SUGP2: variants seen among roughly 807,000 people sequenced by gnomAD.
The protein encoded by SUGP2 is SURP and G-patch domain-containing protein 2.
SUGP2 carries 24 observed loss-of-function variants against 90.5 expected under a neutral mutation model. The observed-to-expected ratio is 0.27, with a 90% confidence interval of 0.19 to 0.37. SUGP2 has a LOEUF of 0.37. SUGP2 is among the 10% of genes least tolerant of loss of function. SUGP2 has a pLI of 1.00. For missense variants in SUGP2, 1,233 were observed against 1,363.3 expected, an observed-to-expected ratio of 0.90 and a Z score of 1.51; for synonymous variants, 473 against 513.4, an observed-to-expected ratio of 0.92 and a Z score of 1.06.
chr19:19,026,078 G>A lies in SUGP2; in HGVS notation c.270C>T (p.Phe90=). Residue 90 remains phenylalanine (F), a synonymous_variant, in exon 3 of 11, where the codon TTC becomes TTT. Transcript: ENST00000452918. The stretch of plus-strand genomic sequence containing the variant: ...CACTGATGGAAGGGTTGCTTGATCT[G>A]AAGGAAGGCCCTGGAAATACGTCAC... ...LRSDVFPGPS[F]RSSNPSISDD... is the part of the protein sequence containing the mutation. 6.2e-7 allele frequency: 1 copy of A among 1,614,100 alleles called. No homozygotes were observed. The highest frequency in any genetic ancestry group is 8.5e-7 in the Non-Finnish European group (1 of 1,180,030).
At chr19:19,023,306 A>G (rs772809241) in intron 3 of SUGP2, among the ~76,000 whole-genome samples, 9 of 152,138 alleles carry the variant, frequency 5.9e-5, no homozygotes, top group African/African-American at 1.7e-4. Flanking sequence ...ATTCTAGCAC[A>G]GGGGTGACTG....
intron 4 of SUGP2, among the ~76,000 whole-genome samples, chr19:19,013,010 C>G (rs980381397): frequency 2.0e-5 from 3 of 152,066 alleles, no homozygotes; most frequent in Non-Finnish European, 4.4e-5. Flanking sequence ...ATTATAGGCA[C>G]CCGCCACCAC....
intron 8 of SUGP2, 75 bp downstream of exon 8, chr19:19,001,538 T>C: frequency 2.1e-6 from 3 of 1,425,174 alleles, no homozygotes; most frequent in Non-Finnish European, 3.0e-6. Flanking sequence ...AATCACAAGC[T>C]GCAGCATCCT....
At chr19:19,033,596 G>C (rs1049243066), upstream of SUGP2, 1 of 1,185,926 alleles carries the variant, frequency 8.4e-7, no homozygotes, top group Non-Finnish European at 1.0e-6. Flanking sequence ...CGCAGGCGCG[G>C]GCCGCCGCGG....
chr19:19,010,658 C>A (rs1294689768), intron 4 of SUGP2, among the ~76,000 whole-genome samples: 1 of 152,204 alleles, frequency 6.6e-6, no homozygotes, highest in South Asian at 2.1e-4. Context: ...CCCTGGCAGG[C>A]AGAATTGACA....
At chr19:19,033,591 G>A, upstream of SUGP2, 2 of 1,190,686 alleles carry the variant, frequency 1.7e-6, no homozygotes, top group Non-Finnish European at 2.1e-6. Context: ...TGGTGCGCAG[G>A]CGCGGGCCGC....
At chr19:19,033,800 C>A (rs2059295699), upstream of SUGP2, 1 of 249,314 alleles carries the variant, frequency 4.0e-6, no homozygotes, top group Non-Finnish European at 7.7e-6. Context: ...TGAGCGTCCG[C>A]GAGTCTCTGG....
chr19:19,012,567 T>A (rs1430565017), intron 4 of SUGP2, among the ~76,000 whole-genome samples: 1 of 152,212 alleles, frequency 6.6e-6, no homozygotes, highest in Non-Finnish European at 1.5e-5. Flanking sequence ...TTTCTGTGCC[T>A]CAGTTTCTCC....
In SUGP2 at chr19:19,008,302, C is replaced by CG. The variant is rs769232514; in HGVS notation, c.2450+14dup. 225 of 1,595,420 alleles carry CG rather than the reference C, an allele frequency of 1.4e-4. No individual in the cohort carries two copies. In the Admixed American group the frequency reaches 1.5e-3, roughly 10 times the overall value. On this transcript the variant is annotated intron_variant, in intron 6 of 10. Coordinates refer to ENST00000452918, the MANE Select transcript of SUGP2 (RefSeq NM_001017392.5). ...AGAAAGAAAAAGGTGTGATGAGACC[C>CG]GGGGGGGTACGTACCACAGGTCAGG...
chr19:19,030,216 T>G (rs1312406340), intron 2 of SUGP2, among the ~76,000 whole-genome samples: 1 of 151,620 alleles, frequency 6.6e-6, no homozygotes, highest in Admixed American at 6.6e-5. Context: ...TGGGCTGGGC[T>G]CGGTGGCTCA....
At chr19:19,027,373 T>A (rs1045815399) in intron 2 of SUGP2, among the ~76,000 whole-genome samples, 3 of 152,132 alleles carry the variant, frequency 2.0e-5, no homozygotes, top group African/African-American at 4.8e-5. Context: ...GAAGCCAAAG[T>A]CGTATATAAA....
chr19:19,024,891 G>A lies in SUGP2; in HGVS notation c.1457C>T (p.Thr486Ile). The change falls in exon 3 of 11, where the codon ACA becomes ATA. Residue 486 changes from threonine (T) to isoleucine (I), a missense_variant. Physicochemically the swap from Thr to Ile is moderately conservative, Grantham distance 89 (BLOSUM62 -1). Transcript: ENST00000452918. ...CRKSLALLGQ[T>I]FSLASSFRQE... ...CCGGAAAGAAGAGGCCAAGGAAAAT[G>A]TCTGTCCCAAAAGGGCCAAAGACTT... 1 of 1,614,196 alleles carries A rather than the reference G, an allele frequency of 6.2e-7. No homozygotes were observed. The highest frequency in any genetic ancestry group is 8.5e-7 in the Non-Finnish European group (1 of 1,180,040).
chr19:18,995,109 C>T, intron 9 of SUGP2, 35 bp downstream of exon 9: 1 of 1,598,692 alleles, frequency 6.3e-7, no homozygotes, highest in Non-Finnish European at 8.5e-7. Flanking sequence ...GACTGAGGCC[C>T]CACCCACTCC....
chr19:19,019,828 C>G (rs56002402), intron 3 of SUGP2, among the ~76,000 whole-genome samples: 1 of 139,898 alleles, frequency 7.1e-6, no homozygotes, highest in Admixed American at 7.2e-5. Flanking sequence ...AAAAAATTTT[C>G]TCCAATTAAA....
chr19:19,019,528 T>A (rs931905847), intron 3 of SUGP2, among the ~76,000 whole-genome samples: 22 of 152,174 alleles, frequency 1.4e-4, no homozygotes, highest in African/African-American at 4.1e-4. Flanking sequence ...TGATATCATT[T>A]TTCACATATT....
chr19:19,008,384 C>T lies in SUGP2; in HGVS notation c.2383G>A (p.Val795Ile), dbSNP rs999611321. The change falls in exon 6 of 11, where the codon GTT (valine) becomes ATT (isoleucine). Residue 795 changes from valine (V) to isoleucine (I), a missense_variant. By Grantham distance (29) the Val-to-Ile change is conservative. Transcript: ENST00000452918. ...METAEKLARFVAQVGPEIEQF... is the reference protein window; with the variant it reads ...METAEKLARFIAQVGPEIEQF... ...TCGATCTCTGGTCCCACCTGAGCAA[C>T]AAATCTAGCCAGTTTCTCTGCAGTC... is the stretch of plus-strand genomic sequence containing the variant. 8 of 1,614,114 alleles carry T rather than the reference C, an allele frequency of 5.0e-6. No individual in the cohort carries two copies. In the Admixed American group the frequency reaches 1.0e-4, roughly 20 times the overall value.
Position 18,991,744 on chromosome 19 carries a change from T to C in SUGP2, c.*1997A>G, listed in dbSNP as rs1196557636. 1.3e-5 allele frequency: 2 copies of C among 152,238 alleles called. No individual in the cohort carries two copies. Among genetic ancestry groups the C allele is most frequent in the African/African-American group, 4.8e-5 (2 of 41,398 alleles). 9.4% of individuals were successfully genotyped at this position (152,238 alleles called of 1,614,324 possible). On this transcript the variant is annotated 3_prime_UTR_variant, in exon 11 of 11. Coordinates refer to ENST00000452918, the MANE Select transcript of SUGP2 (RefSeq NM_001017392.5). ...CCTGACCCATGGCCAACATGGAAGC[T>C]GTCGGAGGGGTCAGGAAAGGAGAAG...
rs1414101761 is a variant in SUGP2, at chr19:19,026,143, C to T, written c.205G>A (p.Val69Ile). The T allele has an allele frequency of 1.2e-6, 2 of 1,613,928 alleles. No individual in the cohort carries two copies. Among genetic ancestry groups the T allele is most frequent in the South Asian group, 1.1e-5 (1 of 91,082 alleles). Residue 69 changes from valine (V) to isoleucine (I), a missense_variant, in exon 3 of 11, where the codon GTA becomes ATA. Physicochemically the swap from Val to Ile is conservative, Grantham distance 29. Around this residue, in one of 8 missense-constraint regions of SUGP2, gnomAD observed 418 missense variants for 399.9 expected, o/e 1.05. Transcript: ENST00000452918. Reference sequence around the variant, plus strand: ...CTTCCGGCATCTCTAGAGTGAGCTACAGATCCACTGAGGGAGTATCTGCCA... The same window carrying T: ...CTTCCGGCATCTCTAGAGTGAGCTATAGATCCACTGAGGGAGTATCTGCCA... The part of the protein sequence containing the change: ...SDGRYSLSGS[V>I]AHSRDAGREG...
intron 4 of SUGP2, among the ~76,000 whole-genome samples, chr19:19,015,451 C>T (rs958085048): frequency 3.3e-5 from 5 of 152,002 alleles, no homozygotes; most frequent in Admixed American, 3.3e-4. Context: ...AGTTTCTTTA[C>T]TTATTGCTGT....
Sources: allele counts gnomAD v4.1 joint callset (sites outside exome capture counted in the v4.1 genomes callset), GRCh38; gene constraint gnomAD v4.1.1; regional missense constraint gnomAD v4.1.1; transcripts MANE v1.5; gene names NCBI Gene and HGNC (gene_info 2026-07-23, HGNC 2026-07-21).